Variants in NOTUM observed in about 807,000 individuals in gnomAD.
NOTUM encodes notum, palmitoleoyl-protein carboxylesterase.
NOTUM carries 36 observed loss-of-function variants against 65.5 expected under a neutral mutation model. The observed-to-expected ratio is 0.55, with a 90% CI of 0.42 to 0.73. The LOEUF (loss-of-function observed/expected upper bound fraction) is 0.73, where lower values mean the gene tolerates loss of function less well. Among genes scored for constraint, NOTUM ranks in the 30% least tolerant of loss-of-function variants. NOTUM has a pLI of 0.00. For missense variants in NOTUM, 659 were observed against 694.2 expected, an observed-to-expected ratio of 0.95 and a Z score of 0.57; for synonymous variants, 356 against 297.9, an observed-to-expected ratio of 1.20 and a Z score of -2.01.
rs533400392 is a variant in NOTUM at position 81,952,633 on chromosome 17, A to G, written c.*328T>C. On this transcript the variant is annotated 3_prime_UTR_variant, in exon 11 of 11. Transcript: ENST00000409678. ...TAAAAAAGTCACTTTATAAAATAAT[A>G]TAAAAGGGCTTGATGGGTGGGGCCG... 4.9e-4 allele frequency: 163 copies of G among 329,966 alleles called. No homozygotes were observed. Among genetic ancestry groups the G allele is most frequent in the Non-Finnish European group, 7.6e-4 (137 of 179,566 alleles). 20.4% of individuals were successfully genotyped at this position (329,966 alleles called of 1,614,324 possible).
chr17:81,959,419 G>T, intron 3 of NOTUM, 52 bp downstream of exon 3: 1 of 1,394,344 alleles, frequency 7.2e-7, no homozygotes, highest in Non-Finnish European at 9.8e-7. Context: ...GGCGGGCGCG[G>T]CTTCCTCCCG....
Position 81,952,723 on chromosome 17 carries a change from G to A in NOTUM, c.*238C>T, listed in dbSNP as rs965870119. The stretch of plus-strand genomic sequence containing the variant: ...CTTCTCTTCTGGCTACCCCCTCGTT[G>A]TCAGGAAGGACCCCCAGGCCACAGA... On this transcript the variant is annotated 3_prime_UTR_variant, in exon 11 of 11. Transcript: ENST00000409678. 17 of 571,768 alleles carry A rather than the reference G, an allele frequency of 3.0e-5. No individual in the cohort carries two copies. The highest frequency in any genetic ancestry group is 9.2e-4 in the Middle Eastern group (2 of 2,166). 35.4% of individuals were successfully genotyped at this position (571,768 alleles called of 1,614,324 possible). A position where few individuals can be genotyped will look rare whatever the true frequency, so the allele number is the denominator to read the frequency against.
At chr17:81,953,309 G>A (rs2041402058) in intron 10 of NOTUM, 42 bp from the exon 11 acceptor site, 3 of 1,386,464 alleles carry the variant, frequency 2.2e-6, no homozygotes, top group Non-Finnish European at 3.0e-6. Flanking sequence ...TGTGCGGAGT[G>A]GCATCAACAC....
chr17:81,959,215 C>G, intron 3 of NOTUM: 1 of 613,802 alleles, frequency 1.6e-6, no homozygotes, highest in Non-Finnish European at 2.9e-6. Context: ...GGCTGGACAC[C>G]AGGTCTGACC....
At chr17:81,958,439 G>A (rs2041449700) in intron 4 of NOTUM, 46 bp from the exon 5 acceptor site, 10 of 1,384,844 alleles carry the variant, frequency 7.2e-6, no homozygotes, top group Non-Finnish European at 9.2e-6. Context: ...CTGCCGCCCG[G>A]CAGCCTCCAG....
chr17:81,958,785 A>T, intron 4 of NOTUM, 150 bp downstream of exon 4: 1 of 637,468 alleles, frequency 1.6e-6, no homozygotes, highest in East Asian at 2.8e-5. Context: ...CACCTCCAGA[A>T]CCCCTCTAGG....
At chr17:81,955,125 G>A (rs1005739417) in intron 9 of NOTUM, among the ~76,000 whole-genome samples, 2 of 151,972 alleles carry the variant, frequency 1.3e-5, no homozygotes, top group African/African-American at 2.4e-5. Flanking sequence ...GATTACAGGC[G>A]CCTGCCACTA....
At position 81,960,891 on chromosome 17, in the gene NOTUM, C is replaced by A; in HGVS notation, c.19G>T (p.Val7Leu). ...TGCAGCAGGCTCAGCAGCAGCAGCA[C>A]GCGCACCCCTCGGCCCATGGCCGCG... MGRGVR[V>L]LLLLSLLHCA... Residue 7 changes from valine (V) to leucine (L), a missense_variant, in exon 1 of 11, where the codon GTG becomes TTG. Coordinates refer to ENST00000409678, the MANE Select transcript of NOTUM (RefSeq NM_178493.6). This position sits in a 1 kb window ranked among gnomAD's most constrained non-coding sequence, Gnocchi z 6.4. 2 of 1,371,760 alleles carry A rather than the reference C, an allele frequency of 1.5e-6. No homozygotes were observed. The highest frequency in any genetic ancestry group is 1.9e-6 in the Non-Finnish European group (2 of 1,065,222). The allele number at this position is 1,371,760 out of a possible 1,614,324, so 85.0% of individuals were successfully genotyped here. A position where few individuals can be genotyped will look rare whatever the true frequency, so the allele number is the denominator to read the frequency against.
chr17:81,956,389 G>T (rs1180207675), intron 8 of NOTUM, among the ~76,000 whole-genome samples: 1 of 152,146 alleles, frequency 6.6e-6, no homozygotes, highest in Non-Finnish European at 1.5e-5. Flanking sequence ...AGGGGTGTCA[G>T]TGCTGAGGGC....
At chr17:81,956,482 C>T (rs1434220204) in intron 8 of NOTUM, among the ~76,000 whole-genome samples, 168 bp downstream of exon 8, 1 of 152,124 alleles carries the variant, frequency 6.6e-6, no homozygotes, top group African/African-American at 2.4e-5. Flanking sequence ...GGCCTCCTCC[C>T]TGGTACACAG....
At chr17:81,957,211 C>G (rs1011140184) in intron 6 of NOTUM, 137 bp from the exon 7 acceptor site, 1 of 711,898 alleles carries the variant, frequency 1.4e-6, no homozygotes. Flanking sequence ...ATTCTGCATT[C>G]TCTGTTCACG....
intron 4 of NOTUM, among the ~76,000 whole-genome samples, 156 bp downstream of exon 4, chr17:81,958,779 T>C (rs967917695): frequency 6.7e-6 from 1 of 150,158 alleles, no homozygotes; most frequent in Non-Finnish European, 1.5e-5. Context: ...AAGAAACACC[T>C]CCAGAACCCC....
In NOTUM at chr17:81,960,991, C is replaced by T. The variant is rs1189066549; in HGVS notation, c.-82G>A. The T allele has an allele frequency of 2.4e-5, 16 of 667,000 alleles. No homozygotes were observed. The highest frequency in any genetic ancestry group is 2.8e-5 in the Non-Finnish European group (14 of 504,406). The allele number at this position is 667,000 out of a possible 1,614,324, so 41.3% of individuals were successfully genotyped here. Reference sequence around the variant, plus strand: ...GGATGCCGGGCCGGGGGTGCCGGGCCGGGGGTGTCGGGGGCACTGGCCGCT... The same window carrying T: ...GGATGCCGGGCCGGGGGTGCCGGGCTGGGGGTGTCGGGGGCACTGGCCGCT... On this transcript the variant is annotated 5_prime_UTR_variant, in exon 1 of 11. Transcript: ENST00000409678. This position sits in a 1 kb window ranked among gnomAD's most constrained non-coding sequence, Gnocchi z 6.4.
chr17:81,953,019 GC>G lies in NOTUM; in HGVS notation c.1432del (p.Ala478ProfsTer15). The G allele has an allele frequency of 6.2e-7, 1 of 1,614,030 alleles. No individual in the cohort carries two copies. The highest frequency in any genetic ancestry group is 8.5e-7 in the Non-Finnish European group (1 of 1,179,996). ...ACTGGGCTCCAGTCCCTGCGGCTGG[GC>G]CACCGTCTGCATGTCGAAGCCCATG... is the stretch of plus-strand genomic sequence containing the variant. ...MHMGFDMQTV[A>X]QPQGLEPSEL... On this transcript the variant is annotated frameshift_variant, in exon 11 of 11. Transcript: ENST00000409678. LOFTEE classifies it high-confidence loss of function.
intron 9 of NOTUM, among the ~76,000 whole-genome samples, chr17:81,954,654 A>G (rs1384807144): frequency 6.6e-6 from 1 of 152,190 alleles, no homozygotes; most frequent in Admixed American, 6.5e-5. Context: ...TAGTGGTACA[A>G]TCGAAGCTTG....
rs534679133 is a variant in NOTUM, at chr17:81,959,696, C to CGGGG, written c.324-8_324-5dup. Reference sequence around the variant, plus strand: ...CCTGGACTCCTTCAGGTAGTAGCTGCGGGGGAGGACGCACCGCGGGGGGTC... The same window carrying CGGGG: ...CCTGGACTCCTTCAGGTAGTAGCTGCGGGGGGGGGAGGACGCACCGCGGGGGGTC... On this transcript the variant is annotated splice_region_variant and splice_polypyrimidine_tract_variant and intron_variant, in intron 1 of 10. Transcript: ENST00000409678. 8.2e-6 allele frequency: 12 copies of CGGGG among 1,463,192 alleles called. No individual in the cohort carries two copies. In the African/African-American group the frequency reaches 8.9e-5, roughly 11 times the overall value. The allele number at this position is 1,463,192 out of a possible 1,614,324, so 90.6% of individuals were successfully genotyped here.
At position 81,959,051 on chromosome 17, in the gene NOTUM, G is replaced by A. The variant is rs961371455; in HGVS notation, c.473-56C>T. On this transcript the variant is annotated intron_variant, in intron 3 of 10. Transcript: ENST00000409678. Reference sequence around the variant, plus strand: ...GCGGGAGGAGGCTGTGTAGGGTCGGGTCTGGGAACCCTGGTGAGGTGTTGG... The same window carrying A: ...GCGGGAGGAGGCTGTGTAGGGTCGGATCTGGGAACCCTGGTGAGGTGTTGG... The A allele has an allele frequency of 3.6e-5, 54 of 1,483,410 alleles. No individual in the cohort carries two copies. In the Middle Eastern group the frequency reaches 5.2e-4, roughly 14 times the overall value. The allele number at this position is 1,483,410 out of a possible 1,614,324, so 91.9% of individuals were successfully genotyped here. A position where few individuals can be genotyped will look rare whatever the true frequency, so the allele number is the denominator to read the frequency against.
At chr17:81,954,176 A>G in intron 10 of NOTUM, 80 bp downstream of exon 10, 1 of 1,013,022 alleles carries the variant, frequency 9.9e-7, no homozygotes, top group Admixed American at 1.7e-5. Flanking sequence ...GGCCCATGGG[A>G]GGCCAAGTGC....
chr17:81,953,638 C>G (rs1342135811), intron 10 of NOTUM, among the ~76,000 whole-genome samples: 1 of 151,674 alleles, frequency 6.6e-6, no homozygotes, highest in African/African-American at 2.4e-5. Context: ...AGGTCTCCCT[C>G]TGCCTGTCAG....
Sources: allele counts gnomAD v4.1 joint callset (sites outside exome capture counted in the v4.1 genomes callset), GRCh38; gene constraint gnomAD v4.1.1; non-coding constraint Gnocchi (gnomAD v3.1); transcripts MANE v1.5; gene names NCBI Gene and HGNC (gene_info 2026-07-23, HGNC 2026-07-21).